ADRM1: variants seen among roughly 807,000 people sequenced by gnomAD.
ADRM1 encodes the protein ADRM1 26S proteasome ubiquitin receptor.
ADRM1 carries 2 observed loss-of-function variants against 40.1 expected under a neutral mutation model. That is an observed-to-expected ratio of 0.05 (90% CI 0.02 to 0.16). ADRM1 has a LOEUF of 0.16. Among genes scored for constraint, ADRM1 ranks in the 10% least tolerant of loss-of-function variants. ADRM1 has a pLI of 1.00. For missense variants in ADRM1, 467 were observed against 552.5 expected (o/e 0.85, Z 1.55); for synonymous variants, 287 against 240.4 (o/e 1.19, Z -1.79).
chr20:62,306,087 G>A (rs868706016), intron 3 of ADRM1, 110 bp from the exon 4 acceptor site: 15 of 1,449,902 alleles, frequency 1.0e-5, no homozygotes, highest in South Asian at 6.6e-5. Context: ...CCAGGCACAC[G>A]CGCCTCTGCG....
At chr20:62,306,537 T>G in intron 4 of ADRM1, 111 bp from the exon 5 acceptor site, 3 of 1,318,724 alleles carry the variant, frequency 2.3e-6, no homozygotes, top group Non-Finnish European at 3.2e-6. Flanking sequence ...TGGTGCCCCC[T>G]GTAGGGTTCA....
chr20:62,304,175 G>C, intron 2 of ADRM1: 1 of 497,574 alleles, frequency 2.0e-6, no homozygotes, highest in Non-Finnish European at 3.7e-6. Flanking sequence ...GCAGTTCAGC[G>C]TTGACTTTTT....
In ADRM1 at chr20:62,304,453, C is replaced by A; in HGVS notation, c.214-8C>A. Reference sequence around the variant, plus strand: ...CGCCACTGACTCTCTCTTCCCCTGGCTTGCCAGGACTTGATCATCTTCCCT... The same window carrying A: ...CGCCACTGACTCTCTCTTCCCCTGGATTGCCAGGACTTGATCATCTTCCCT... On this transcript the variant is annotated splice_polypyrimidine_tract_variant and splice_region_variant and intron_variant, in intron 2 of 9. Transcript: ENST00000253003. 6.2e-7 allele frequency: 1 copy of A among 1,611,668 alleles called. No homozygotes were observed.
chr20:62,308,482 C>A lies in ADRM1; in HGVS notation c.1117+12C>A. The A allele has an allele frequency of 6.3e-7, 1 of 1,589,388 alleles. No homozygotes were observed. On this transcript the variant is annotated intron_variant, in intron 9 of 9. Transcript: ENST00000253003. ...CGCCAACAAGGGCGGTAAGTGGCTG[C>A]GCCTGCACCTCCAGGCCAGAGCCAG...
rs1433148831 is a variant in ADRM1, at chr20:62,303,576, C to T, written c.8C>T (p.Thr3Ile). MT[T>I]SGALFPSLVP... ...CCTCTCCGCGCTTTCAGGATGACGA[C>T]CTCAGGCGCGCTCTTTCCAAGCCTG... The change falls in exon 2 of 10, where the codon ACC becomes ATC. Residue 3 changes from threonine (T) to isoleucine (I), a missense_variant. Transcript: ENST00000253003. 1.9e-6 allele frequency: 3 copies of T among 1,580,518 alleles called. No individual in the cohort carries two copies. Among genetic ancestry groups the T allele is most frequent in the Non-Finnish European group, 2.6e-6 (3 of 1,163,086 alleles).
chr20:62,306,712 A>G lies in ADRM1; in HGVS notation c.519A>G (p.Gly173=). ...ACAGCCAGCTCATGCAGCTCATCGG[A>G]CCAGCCGGCCTTGGAGGACTGGGTA... ...MSHSQLMQLI[G]PAGLGGLGGL... Residue 173 remains glycine, a synonymous_variant, in exon 5 of 10, where the codon GGA becomes GGG. Coordinates refer to ENST00000253003, the MANE Select transcript of ADRM1 (RefSeq NM_007002.4). The G allele has an allele frequency of 6.2e-7, 1 of 1,608,420 alleles. No homozygotes were observed. The highest frequency in any genetic ancestry group is 8.5e-7 in the Non-Finnish European group (1 of 1,177,852).
intron 2 of ADRM1, chr20:62,304,082 A>G: frequency 2.0e-6 from 1 of 509,930 alleles, no homozygotes; most frequent in Non-Finnish European, 3.5e-6. Context: ...GTGGCCCTGG[A>G]GAGCCTGGAG....
In ADRM1 at chr20:62,307,382, G is replaced by C. The variant is rs1459364101; in HGVS notation, c.553G>C (p.Ala185Pro). The C allele has an allele frequency of 6.2e-7, 1 of 1,600,496 alleles. No individual in the cohort carries two copies. The highest frequency in any genetic ancestry group is 2.2e-5 in the East Asian group (1 of 44,808). ...CTTGCCCCTCGCAGGTGGGCTGGGG[G>C]CCCTGACTGGACCTGGCCTGGCCAG... is the stretch of plus-strand genomic sequence containing the variant. ...AGLGGLGGLG[A>P]LTGPGLASLL... The change falls in exon 6 of 10, where the codon GCC (alanine) becomes CCC (proline). Residue 185 changes from alanine to proline, a missense_variant. By Grantham distance (27) the Ala-to-Pro change is conservative. Transcript: ENST00000253003.
At chr20:62,307,921 G>A (rs1458093195) in intron 7 of ADRM1, 93 bp downstream of exon 7, 35 of 1,545,376 alleles carry the variant, frequency 2.3e-5, no homozygotes, top group South Asian at 1.8e-4. Context: ...TAGTGTGCGC[G>A]CCTGGGGTGC....
At position 62,308,665 on chromosome 20, in the gene ADRM1, G is replaced by A. The variant is rs115651274; in HGVS notation, c.1128G>A (p.Ala376=). The A allele has an allele frequency of 9.5e-5, 153 of 1,613,020 alleles. No homozygotes were observed. The African/African-American group carries it at 1.8e-3, about 19-fold the overall frequency. Residue 376 remains alanine, a synonymous_variant, in exon 10 of 10, where the codon GCG becomes GCA. Coordinates refer to ENST00000253003, the MANE Select transcript of ADRM1 (RefSeq NM_007002.4). The stretch of plus-strand genomic sequence containing the variant: ...TTTAACGTGTTCTAGATGTGGAAGC[G>A]TTTGCCAAAGCCATGCAGAACAACG... ...VEAANKGDVE[A]FAKAMQNNAK... is the part of the protein sequence containing the mutation.
intron 8 of ADRM1, 69 bp from the exon 9 acceptor site, chr20:62,308,299 C>T: frequency 6.5e-7 from 1 of 1,543,228 alleles, no homozygotes; most frequent in African/African-American, 1.4e-5. Flanking sequence ...GCAGAGCTGG[C>T]AGCTGAGCAG....
chr20:62,307,324 G>C (rs751353440), intron 5 of ADRM1, 47 bp from the exon 6 acceptor site: 17 of 1,549,410 alleles, frequency 1.1e-5, no homozygotes, highest in Non-Finnish European at 1.4e-5. Flanking sequence ...GGCTCTTTCT[G>C]GTGGGCTAGA....
Position 62,308,786 on chromosome 20 carries a change from T to C in ADRM1, c.*25T>C. The C allele has an allele frequency of 1.9e-6, 3 of 1,611,648 alleles. No homozygotes were observed. Among genetic ancestry groups the C allele is most frequent in the Non-Finnish European group, 2.5e-6 (3 of 1,179,464 alleles). ...AGCCACGCGCCGTCCTCCGAGGAAC[T>C]GGGCGCTTGCAGTGCGTTGCACACC... On this transcript the variant is annotated 3_prime_UTR_variant, in exon 10 of 10. Transcript: ENST00000253003.
chr20:62,305,363 A>C (rs763651586), intron 3 of ADRM1: 88 of 152,466 alleles, frequency 5.8e-4, no homozygotes, highest in Non-Finnish European at 6.6e-4. Flanking sequence ...TCTGTGGAGC[A>C]CATGGTCTGT....
At chr20:62,305,950 C>T (rs932797979) in intron 3 of ADRM1, 7 of 496,232 alleles carry the variant, frequency 1.4e-5, no homozygotes, top group East Asian at 3.6e-5. Flanking sequence ...GTGAAATGGG[C>T]GGAGGGGGAC....
In ADRM1 at chr20:62,303,439, C is replaced by G. The variant is rs562869516; in HGVS notation, c.-1-129C>G. On this transcript the variant is annotated intron_variant, in intron 1 of 9. Coordinates refer to ENST00000253003, the MANE Select transcript of ADRM1 (RefSeq NM_007002.4). ...GGGCAAACGCGGAAAGGCAGCCCGG[C>G]GTGTCTGAGTCTGCCTTAGGCAGCT... 55 of 906,176 alleles carry G rather than the reference C, an allele frequency of 6.1e-5. 2 individuals carry two copies. In the Middle Eastern group the frequency reaches 1.4e-3, roughly 24 times the overall value. The allele number at this position is 906,176 out of a possible 1,614,324, so 56.1% of individuals were successfully genotyped here. A position where few individuals can be genotyped will look rare whatever the true frequency, so the allele number is the denominator to read the frequency against.
rs1228497572 is a variant in ADRM1 at position 62,305,861 on chromosome 20, C to T, written c.331-336C>T. The stretch of plus-strand genomic sequence containing the variant: ...GGAAGGAGACGGGTGTGTAAAGAAC[C>T]GCACCCCAGAGGGCAGGAGGGTGAG... On this transcript the variant is annotated intron_variant, in intron 3 of 9. Transcript: ENST00000253003. The T allele has an allele frequency of 2.4e-5, 7 of 295,586 alleles. No homozygotes were observed. The East Asian group carries it at 3.5e-4, about 15-fold the overall frequency. The allele number at this position is 295,586 out of a possible 1,614,324, so 18.3% of individuals were successfully genotyped here.
At position 62,307,744 on chromosome 20, in the gene ADRM1, C is replaced by T. The variant is rs1568875657; in HGVS notation, c.772C>T (p.Pro258Ser). Residue 258 changes from proline to serine, a missense_variant, in exon 7 of 10, where the codon CCG (proline) becomes TCG (serine). Coordinates refer to ENST00000253003, the MANE Select transcript of ADRM1 (RefSeq NM_007002.4). ...SGNGASTAAS[P>S]TQPIQLSDLQ... ...GAATGGAGCCAGCACAGCAGCCAGCCCGACCCAGCCCATCCAGCTGAGCGA... is the reference window on the plus strand; with the variant it reads ...GAATGGAGCCAGCACAGCAGCCAGCTCGACCCAGCCCATCCAGCTGAGCGA... 6.2e-7 allele frequency: 1 copy of T among 1,612,008 alleles called. No homozygotes were observed. The highest frequency in any genetic ancestry group is 8.5e-7 in the Non-Finnish European group (1 of 1,179,790).
At chr20:62,307,858 G>T (rs749609630) in intron 7 of ADRM1, 30 bp downstream of exon 7, 25 of 1,575,064 alleles carry the variant, frequency 1.6e-5, no homozygotes, top group African/African-American at 4.1e-5. Context: ...GGAGCTGGGT[G>T]GGGGGCATGG....
Sources: gnomAD v4.1 joint callset for allele counts on GRCh38, gnomAD v4.1.1 for gene constraint, MANE v1.5 for transcripts, NCBI Gene and HGNC (gene_info 2026-07-23, HGNC 2026-07-21) for gene names.